ASIC2: variants seen among roughly 807,000 people sequenced by gnomAD.
The protein encoded by ASIC2 is acid-sensing ion channel 2.
A neutral mutation model predicts 57.3 loss-of-function variants in ASIC2; 25 were observed. The observed-to-expected ratio is 0.44, with a 90% CI of 0.32 to 0.61. The LOEUF (loss-of-function observed/expected upper bound fraction) is 0.61, where lower values mean the gene tolerates loss of function less well. ASIC2 is among the 20% of genes least tolerant of loss of function. The pLI is 0.06. For missense variants in ASIC2, 641 were observed against 738.1 expected, an observed-to-expected ratio of 0.87 and a Z score of 1.52; for synonymous variants, 319 against 307.5, an observed-to-expected ratio of 1.04 and a Z score of -0.39.
At chr17:33,742,325 T>C (rs1910137028) in intron 1 of ASIC2, among the ~76,000 whole-genome samples, 1 of 152,150 alleles carries the variant, frequency 6.6e-6, no homozygotes, top group African/African-American at 2.4e-5. Context: ...CTACCTACAA[T>C]GCCACCTCCC....
intron 1 of ASIC2, among the ~76,000 whole-genome samples, chr17:33,738,988 C>A (rs988293667): frequency 5.3e-5 from 8 of 152,198 alleles, no homozygotes; most frequent in African/African-American, 1.7e-4. Flanking sequence ...CACGATGATT[C>A]TTTTGTCCTG....
At chr17:33,520,458 C>A (rs911756525) in intron 1 of ASIC2, among the ~76,000 whole-genome samples, 1 of 152,176 alleles carries the variant, frequency 6.6e-6, no homozygotes, top group Non-Finnish European at 1.5e-5. Flanking sequence ...AATTAGTATG[C>A]CTAACTATGT....
chr17:33,561,589 G>A (rs979713965), intron 1 of ASIC2, among the ~76,000 whole-genome samples: 1 of 152,212 alleles, frequency 6.6e-6, no homozygotes, highest in African/African-American at 2.4e-5. Flanking sequence ...GCATCGTTTG[G>A]AGTGCTGCAA....
chr17:33,091,656 A>G (rs537505321), intron 2 of ASIC2, among the ~76,000 whole-genome samples: 82 of 152,332 alleles, frequency 5.4e-4, no homozygotes, highest in South Asian at 1.0e-3. Context: ...CGGATTTGGA[A>G]GAGGTGCTAG....
chr17:33,954,039 A>T (rs1904660287), intron 1 of ASIC2, among the ~76,000 whole-genome samples: 1 of 152,176 alleles, frequency 6.6e-6, no homozygotes, highest in Non-Finnish European at 1.5e-5. Context: ...AATTAGAGAA[A>T]GGAACCTGGG....
chr17:33,268,837 C>G (rs1909579341), intron 1 of ASIC2, among the ~76,000 whole-genome samples: 1 of 152,186 alleles, frequency 6.6e-6, no homozygotes, highest in Non-Finnish European at 1.5e-5. Flanking sequence ...TTCACATCTA[C>G]TAAATGACAG....
intron 1 of ASIC2, among the ~76,000 whole-genome samples, chr17:33,690,440 C>G (rs1368462066): frequency 6.6e-6 from 1 of 152,142 alleles, no homozygotes; most frequent in Non-Finnish European, 1.5e-5. Context: ...CATGTGGTTT[C>G]TCCATGTGGA....
At chr17:33,482,168 G>A (rs909344535) in intron 1 of ASIC2, among the ~76,000 whole-genome samples, 2 of 152,188 alleles carry the variant, frequency 1.3e-5, no homozygotes, top group African/African-American at 2.4e-5. Flanking sequence ...TGCCATGACT[G>A]TCTTGTCCAT....
At chr17:33,045,982 G>C (rs533899490) in intron 3 of ASIC2, among the ~76,000 whole-genome samples, 2 of 152,350 alleles carry the variant, frequency 1.3e-5, no homozygotes, top group African/African-American at 4.8e-5. Context: ...AACTGCAAGA[G>C]GGTCTACTCA....
At chr17:33,298,823 T>G (rs952548229) in intron 1 of ASIC2, among the ~76,000 whole-genome samples, 1 of 152,192 alleles carries the variant, frequency 6.6e-6, no homozygotes, top group Non-Finnish European at 1.5e-5. Context: ...AAATCATGAG[T>G]GAACTCCCAT....
At chr17:33,322,492 G>C (rs561869310) in intron 1 of ASIC2, among the ~76,000 whole-genome samples, 12 of 152,236 alleles carry the variant, frequency 7.9e-5, no homozygotes, top group African/African-American at 2.6e-4. Context: ...TTAATCCACC[G>C]ATAGGTACAA....
chr17:33,415,419 AGTT>A (rs760912811), intron 1 of ASIC2, among the ~76,000 whole-genome samples: 107 of 152,092 alleles, frequency 7.0e-4, no homozygotes, highest in Admixed American at 1.3e-3. Context: ...GTTTTTATTG[AGTT>A]GTTATTTTTA....
chr17:33,453,166 T>A (rs1912324257), intron 1 of ASIC2, among the ~76,000 whole-genome samples: 1 of 152,010 alleles, frequency 6.6e-6, no homozygotes, highest in African/African-American at 2.4e-5. Flanking sequence ...TTGTGGGGTC[T>A]GAGATTATAT....
intron 1 of ASIC2, among the ~76,000 whole-genome samples, chr17:33,772,579 T>C (rs1911144974): frequency 6.6e-6 from 1 of 152,242 alleles, no homozygotes; most frequent in Middle Eastern, 3.2e-3. Flanking sequence ...CTATGTATTA[T>C]GTATGTAGTA....
intron 1 of ASIC2, among the ~76,000 whole-genome samples, chr17:33,906,011 ATTTTTT>A (rs72050716): frequency 1.5e-5 from 2 of 132,532 alleles, no homozygotes; most frequent in Non-Finnish European, 3.2e-5. Context: ...TTTTAATTAA[ATTTTTT>A]TTTTTTTTTT....
intron 1 of ASIC2, among the ~76,000 whole-genome samples, chr17:33,620,240 G>GAAAAAAAA (rs35560840): frequency 1.8e-3 from 136 of 74,590 alleles, no homozygotes; most frequent in Non-Finnish European, 2.3e-3. Context: ...AGAGGAAAAT[G>GAAAAAAAA]AAAAAAAAAA....
intron 1 of ASIC2, among the ~76,000 whole-genome samples, chr17:33,542,137 A>C (rs974084291): frequency 3.3e-5 from 5 of 152,310 alleles, no homozygotes; most frequent in Non-Finnish European, 5.9e-5. Context: ...ACTTCAAATC[A>C]ATCTTCATTG....
At position 33,134,491 on chromosome 17, in the gene ASIC2, T is replaced by C. The variant is rs181059192; in HGVS notation, c.709-22424A>G. 7.1e-3 allele frequency among the ~76,000 whole-genome samples: 1,086 copies of C among 152,350 alleles called. 7 individuals are homozygous for C. Among genetic ancestry groups the C allele is most frequent in the Middle Eastern group, 0.01 (3 of 294 alleles). On this transcript the variant is annotated intron_variant, in intron 1 of 9. Coordinates refer to ENST00000225823, the MANE Select transcript of ASIC2 (RefSeq NM_183377.2). Reference sequence around the variant, plus strand: ...GGCAAACTGGGATGTAGTCCCCTTATACTAAAAAGGAGTTATTTATATTTG... The same window carrying C: ...GGCAAACTGGGATGTAGTCCCCTTACACTAAAAAGGAGTTATTTATATTTG...
At chr17:33,974,366 ATG>A (rs1300958979) in intron 1 of ASIC2, among the ~76,000 whole-genome samples, 2 of 152,058 alleles carry the variant, frequency 1.3e-5, no homozygotes, top group Admixed American at 6.6e-5. Flanking sequence ...CATTGTGCTT[ATG>A]TGTGTGTATG....
Sources: allele counts gnomAD v4.1 joint callset (sites outside exome capture counted in the v4.1 genomes callset), GRCh38; gene constraint gnomAD v4.1.1; transcripts MANE v1.5; gene names NCBI Gene and HGNC (gene_info 2026-07-23, HGNC 2026-07-21).